The following NRCAM variants were observed in gnomAD, a reference collection of about 807,000 sequenced individuals.
NRCAM encodes the protein NgCAM-related cell adhesion molecule.
In NRCAM, 83 loss-of-function variants were observed where a neutral mutation model predicts 156.5. The ratio of observed to expected loss-of-function variants is 0.53; its 90% confidence interval spans 0.44 to 0.64. The LOEUF is 0.64. Ranked by LOEUF, NRCAM falls within the 30% of genes least tolerant of loss-of-function variation. NRCAM has a pLI of 0.00. For synonymous variants in NRCAM, 538 were observed against 563.9 expected (o/e 0.95, Z 0.65); for missense variants, 1,417 against 1,597.3 (o/e 0.89, Z 1.92).
chr7:108,200,687 A>G (rs2077458852), intron 13 of NRCAM, among the ~76,000 whole-genome samples: 1 of 151,794 alleles, frequency 6.6e-6, no homozygotes, highest in Non-Finnish European at 1.5e-5. Context: ...CGCAATTGCA[A>G]AAATATGGAA....
chr7:108,315,559 G>T (rs1281640592), intron 2 of NRCAM, among the ~76,000 whole-genome samples: 1 of 152,184 alleles, frequency 6.6e-6, no homozygotes, highest in Non-Finnish European at 1.5e-5. Context: ...AGCTCCATCA[G>T]ATGGCACCCA....
At chr7:108,361,306 T>C (rs1043503209) in intron 2 of NRCAM, among the ~76,000 whole-genome samples, 2 of 152,238 alleles carry the variant, frequency 1.3e-5, no homozygotes, top group East Asian at 1.9e-4. Context: ...TATATGATGG[T>C]TAATTTTATA....
At position 108,155,101 on chromosome 7, in the gene NRCAM, T is replaced by TATATATAC. The variant is rs1270777439; in HGVS notation, c.3677+4361_3677+4362insGTATATAT. On this transcript the variant is annotated intron_variant, in intron 32 of 32. Coordinates refer to ENST00000379028, the MANE Select transcript of NRCAM (RefSeq NM_001037132.4). ...GATTTAAAAGTCATATATATATATATACACACACACACACACACACACACA... is the reference window on the plus strand; with the variant it reads ...GATTTAAAAGTCATATATATATATATATATATACACACACACACACACACACACACACA... Among the ~76,000 whole-genome samples, 216 of 123,094 alleles carry TATATATAC rather than the reference T, an allele frequency of 1.8e-3. 1 individual carries two copies. Among genetic ancestry groups the TATATATAC allele is most frequent in the African/African-American group, 6.1e-3 (172 of 28,290 alleles). 80.8% of individuals were successfully genotyped at this position (123,094 alleles called of 152,430 possible). A position where few individuals can be genotyped will look rare whatever the true frequency, so the allele number is the denominator to read the frequency against.
chr7:108,329,764 T>A (rs2154243832), intron 2 of NRCAM, among the ~76,000 whole-genome samples: 1 of 152,288 alleles, frequency 6.6e-6, no homozygotes, highest in African/African-American at 2.4e-5. Flanking sequence ...TGTAATCACA[T>A]GACCTCTGAA....
intron 3 of NRCAM, among the ~76,000 whole-genome samples, chr7:108,279,419 A>G (rs2097770557): frequency 1.3e-5 from 2 of 152,208 alleles, no homozygotes; most frequent in Admixed American, 6.5e-5. Context: ...ATATGCATAA[A>G]TACAGAAAAA....
chr7:108,252,932 T>C (rs1299339931), intron 3 of NRCAM, among the ~76,000 whole-genome samples: 3 of 152,254 alleles, frequency 2.0e-5, no homozygotes, highest in Admixed American at 6.5e-5. Flanking sequence ...AAGGCAAGCC[T>C]ACAAAATTGA....
chr7:108,307,100 T>C (rs941689676), intron 3 of NRCAM, among the ~76,000 whole-genome samples: 2 of 152,160 alleles, frequency 1.3e-5, no homozygotes, highest in African/African-American at 4.8e-5. Flanking sequence ...GATGATAATA[T>C]GTCTGTAAAA....
chr7:108,325,472 G>T (rs2099058052), intron 2 of NRCAM, among the ~76,000 whole-genome samples: 2 of 151,342 alleles, frequency 1.3e-5, no homozygotes, highest in South Asian at 2.1e-4. Context: ...GTTCCAATCT[G>T]TTGCTTCAGT....
intron 3 of NRCAM, among the ~76,000 whole-genome samples, chr7:108,255,252 A>ACTGCAAACTCC (rs2096577081): frequency 7.0e-6 from 1 of 141,854 alleles, no homozygotes; most frequent in Non-Finnish European, 1.5e-5. Flanking sequence ...ATCTCGGCTC[A>ACTGCAAACTCC]CTGCAAACTC....
At chr7:108,447,233 T>C (rs1300348673) in intron 1 of NRCAM, among the ~76,000 whole-genome samples, 1 of 150,616 alleles carries the variant, frequency 6.6e-6, no homozygotes, top group East Asian at 2.0e-4. Context: ...AGTCACCCCA[T>C]ATGGGTTTGC....
intron 32 of NRCAM, among the ~76,000 whole-genome samples, chr7:108,157,182 A>C (rs1219294488): frequency 1.3e-5 from 2 of 152,128 alleles, no homozygotes; most frequent in Non-Finnish European, 2.9e-5. Context: ...AATTTATGTC[A>C]TTACATGTAT....
Position 108,149,635 on chromosome 7 carries a change from A to G in NRCAM, c.*275T>C. 2.2e-6 allele frequency: 1 copy of G among 449,036 alleles called. No homozygotes were observed. 27.8% of individuals were successfully genotyped at this position (449,036 alleles called of 1,614,324 possible). A position where few individuals can be genotyped will look rare whatever the true frequency, so the allele number is the denominator to read the frequency against. ...TATTGAACTGTATCCTGCAGAGGAA[A>G]TAACAGGATCTGTTGGTGATGTTGC... On this transcript the variant is annotated 3_prime_UTR_variant, in exon 33 of 33. Coordinates refer to ENST00000379028, the MANE Select transcript of NRCAM (RefSeq NM_001037132.4).
chr7:108,264,320 A>T (rs1163895095), intron 3 of NRCAM, among the ~76,000 whole-genome samples: 1 of 152,190 alleles, frequency 6.6e-6, no homozygotes, highest in African/African-American at 2.4e-5. Context: ...CTTTTCATTT[A>T]TCTAGGAAGA....
chr7:108,442,094 C>T (rs558596286), intron 1 of NRCAM, among the ~76,000 whole-genome samples: 76 of 152,274 alleles, frequency 5.0e-4, no homozygotes, highest in African/African-American at 1.8e-3. Context: ...TATAATACCT[C>T]GGGAGCAGGC....
At chr7:108,201,290 G>C (rs866822622) in intron 13 of NRCAM, among the ~76,000 whole-genome samples, 19 of 151,922 alleles carry the variant, frequency 1.3e-4, no homozygotes, top group African/African-American at 4.6e-4. Context: ...CACCCTGACC[G>C]CATCTCTGTG....
intron 32 of NRCAM, among the ~76,000 whole-genome samples, chr7:108,157,608 C>T (rs1449002240): frequency 2.0e-5 from 3 of 152,062 alleles, no homozygotes; most frequent in Admixed American, 1.3e-4. Flanking sequence ...AAGTTTGTTA[C>T]GTGGATACAT....
At chr7:108,177,719 G>A (rs1400306906) in intron 26 of NRCAM, among the ~76,000 whole-genome samples, 6 of 30,610 alleles carry the variant, frequency 2.0e-4, no homozygotes, top group African/African-American at 3.7e-4. Context: ...ATATATACGT[G>A]TGTATATATA....
chr7:108,373,154 T>A (rs576640909), intron 2 of NRCAM, among the ~76,000 whole-genome samples: 1 of 152,210 alleles, frequency 6.6e-6, no homozygotes, highest in Admixed American at 6.5e-5. Flanking sequence ...GTCAAATTCA[T>A]AGAATCAAAG....
rs1286341820 is a variant in NRCAM at position 108,231,127 on chromosome 7, G to A, written c.454C>T (p.Leu152Phe). The change falls in exon 8 of 33, where the codon CTT (leucine) becomes TTT (phenylalanine). Residue 152 changes from leucine (L) to phenylalanine (F), a missense_variant. Leu to Phe is a conservative substitution (Grantham distance 22, BLOSUM62 0). Coordinates refer to ENST00000379028, the MANE Select transcript of NRCAM (RefSeq NM_001037132.4). ...CCACTTTGAAGTGTGATTGGTTCAA[G>A]TTTTTCTTTGGTCCACAATGGTGAT... The part of the protein sequence containing the change: ...SRSPLWTKEK[L>F]EPITLQSGQS... 6.2e-7 allele frequency: 1 copy of A among 1,603,860 alleles called. No homozygotes were observed. Among genetic ancestry groups the A allele is most frequent in the African/African-American group, 1.3e-5 (1 of 74,202 alleles).
Sources: allele counts gnomAD v4.1 joint callset (sites outside exome capture counted in the v4.1 genomes callset), GRCh38; gene constraint gnomAD v4.1.1; transcripts MANE v1.5; gene names NCBI Gene and HGNC (gene_info 2026-07-23, HGNC 2026-07-21).